Variants in SNX13 observed in about 807,000 individuals in gnomAD.
SNX13 encodes sorting nexin-13.
In SNX13, 45 loss-of-function variants were observed where a neutral mutation model predicts 133.6. The observed-to-expected ratio is 0.34, with a 90% confidence interval of 0.27 to 0.43. SNX13 has a LOEUF of 0.43. Ranked by LOEUF, SNX13 falls within the 20% of genes least tolerant of loss-of-function variation. The pLI is 1.00. For missense variants in SNX13, 1,032 were observed against 1,145.1 expected (o/e 0.90, Z 1.43); for synonymous variants, 414 against 373.9 (o/e 1.11, Z -1.24).
intron 13 of SNX13, among the ~76,000 whole-genome samples, chr7:17,838,663 C>G (rs1206282909): frequency 6.6e-6 from 1 of 151,782 alleles, no homozygotes; most frequent in Non-Finnish European, 1.5e-5. Flanking sequence ...CATTTTCATT[C>G]TCAATTAAAA....
intron 18 of SNX13, among the ~76,000 whole-genome samples, chr7:17,817,240 T>TG (rs775084140): frequency 5.3e-5 from 8 of 152,188 alleles, no homozygotes; most frequent in South Asian, 2.1e-4. Context: ...TGTAATGCCT[T>TG]GCTAAAACAC....
chr7:17,807,292 G>C (rs1024627747), intron 20 of SNX13, among the ~76,000 whole-genome samples: 1 of 152,180 alleles, frequency 6.6e-6, no homozygotes, highest in South Asian at 2.1e-4. Flanking sequence ...CCAGCTAGGT[G>C]GGGGGAGGGG....
intron 17 of SNX13, among the ~76,000 whole-genome samples, chr7:17,824,545 G>A (rs1012285918): frequency 2.0e-5 from 3 of 151,518 alleles, no homozygotes; most frequent in Admixed American, 2.0e-4. Context: ...ATTATTACTA[G>A]CCCATCTCAC....
At chr7:17,912,930 G>C (rs896581792) in intron 1 of SNX13, among the ~76,000 whole-genome samples, 6 of 152,184 alleles carry the variant, frequency 3.9e-5, no homozygotes, top group African/African-American at 1.4e-4. Flanking sequence ...GACTGGAGCA[G>C]GAAGAGACTT....
chr7:17,915,854 T>A (rs547092136), intron 1 of SNX13, among the ~76,000 whole-genome samples: 1 of 152,212 alleles, frequency 6.6e-6, no homozygotes, highest in Non-Finnish European at 1.5e-5. Context: ...AGAGTACACA[T>A]TCTTCTCATC....
chr7:17,850,643 C>G (rs1016997477), intron 10 of SNX13, among the ~76,000 whole-genome samples, 183 bp downstream of exon 10: 3 of 152,130 alleles, frequency 2.0e-5, no homozygotes, highest in African/African-American at 7.2e-5. Flanking sequence ...TTACAATAAT[C>G]ACATTCTCAC....
intron 1 of SNX13, among the ~76,000 whole-genome samples, chr7:17,901,385 G>T (rs1465888733): frequency 6.6e-6 from 1 of 152,080 alleles, no homozygotes; most frequent in Non-Finnish European, 1.5e-5. Context: ...ACTCGCCCAG[G>T]AATTGCACTC....
chr7:17,809,217 C>T lies in SNX13; in HGVS notation c.2064+5617G>A, dbSNP rs543702350. On this transcript the variant is annotated intron_variant, in intron 20 of 25. Coordinates refer to ENST00000428135, the MANE Select transcript of SNX13 (RefSeq NM_015132.5). ...TGCTGTATTCAGGAGACCCATCTCA[C>T]ATGCAAAGACACACATAGGCTCAAA... 1.3e-3 allele frequency among the ~76,000 whole-genome samples: 166 copies of T among 124,450 alleles called. No individual in the cohort carries two copies. The Middle Eastern group carries it at 0.021, about 16-fold the overall frequency. The allele number at this position is 124,450 out of a possible 152,430, so 81.6% of individuals were successfully genotyped here.
At chr7:17,935,089 A>G (rs1801870237) in intron 1 of SNX13, among the ~76,000 whole-genome samples, 1 of 152,232 alleles carries the variant, frequency 6.6e-6, no homozygotes, top group Non-Finnish European at 1.5e-5. Flanking sequence ...CAGCAGCATT[A>G]GTCACAAAAT....
intron 1 of SNX13, among the ~76,000 whole-genome samples, chr7:17,922,423 T>C (rs1274309558): frequency 2.0e-5 from 3 of 152,218 alleles, no homozygotes; most frequent in East Asian, 1.9e-4. Flanking sequence ...AAACTGTGTA[T>C]GTTTTGTTCA....
rs1562663513 is a variant in SNX13 at position 17,805,259 on chromosome 7, G to GCGCGCGCA, written c.2065-1687_2065-1680dup. On this transcript the variant is annotated intron_variant, in intron 20 of 25. Transcript: ENST00000428135. Reference sequence around the variant, plus strand: ...TGTGTGTGTGTGTGTGTGCGTGCGCGCGCGCGCATGCATGCACATGTGTAA... The same window carrying GCGCGCGCA: ...TGTGTGTGTGTGTGTGTGCGTGCGCGCGCGCGCACGCGCGCATGCATGCACATGTGTAA... 3.4e-5 allele frequency among the ~76,000 whole-genome samples: 5 copies of GCGCGCGCA among 147,588 alleles called. 1 individual carries two copies. The highest frequency in any genetic ancestry group is 4.2e-4 in the South Asian group (2 of 4,748).
intron 9 of SNX13, among the ~76,000 whole-genome samples, chr7:17,851,291 C>A (rs1420853611): frequency 6.6e-6 from 1 of 152,162 alleles, no homozygotes; most frequent in Non-Finnish European, 1.5e-5. Flanking sequence ...GGCAAATCTT[C>A]TGTTATAGTA....
chr7:17,814,131 A>G (rs1297976051), intron 20 of SNX13, among the ~76,000 whole-genome samples: 1 of 152,208 alleles, frequency 6.6e-6, no homozygotes, highest in East Asian at 1.9e-4. Context: ...ACATTTATTC[A>G]GAGGTTTATT....
intron 1 of SNX13, among the ~76,000 whole-genome samples, chr7:17,926,391 T>C (rs1301744654): frequency 1.3e-5 from 2 of 152,222 alleles, no homozygotes; most frequent in East Asian, 3.9e-4. Context: ...TGTTGTACTA[T>C]CTAGGGCTGG....
intron 5 of SNX13, among the ~76,000 whole-genome samples, chr7:17,877,732 CATACA>C (rs1794885155): frequency 9.8e-6 from 1 of 101,838 alleles, no homozygotes; most frequent in African/African-American, 6.5e-5. Context: ...AATGCAAATA[CATACA>C]AAATTATTTT....
At chr7:17,899,162 C>T (rs1398003791) in intron 1 of SNX13, 1 of 152,200 alleles carries the variant, frequency 6.6e-6, no homozygotes, top group East Asian at 1.9e-4. Context: ...GTACAACTTC[C>T]ACTGAGAAGT....
chr7:17,874,769 AG>A (rs1197901011), intron 7 of SNX13, among the ~76,000 whole-genome samples: 1 of 152,240 alleles, frequency 6.6e-6, no homozygotes, highest in Admixed American at 6.5e-5. Flanking sequence ...AAAACTGGGA[AG>A]ATAACGTCCT....
Position 17,805,056 on chromosome 7 carries a change from C to T in SNX13, c.2065-1476G>A, listed in dbSNP as rs143502034. On this transcript the variant is annotated intron_variant, in intron 20 of 25. Transcript: ENST00000428135. ...AGTACCATAGATATGCTTGACGGAACATCCAACCCTAGAAGAGACTGTCAC... is the reference window on the plus strand; with the variant it reads ...AGTACCATAGATATGCTTGACGGAATATCCAACCCTAGAAGAGACTGTCAC... Among the ~76,000 whole-genome samples the T allele has an allele frequency of 1.1e-3, 175 of 152,286 alleles. 1 individual carries two copies. Among genetic ancestry groups the T allele is most frequent in the African/African-American group, 3.8e-3 (156 of 41,576 alleles).
At chr7:17,802,779 T>C (rs1319586878) in intron 21 of SNX13, among the ~76,000 whole-genome samples, 1 of 152,186 alleles carries the variant, frequency 6.6e-6, no homozygotes, top group Non-Finnish European at 1.5e-5. Context: ...CTATATGTTT[T>C]ATAGCCTTGA....
Sources: allele counts gnomAD v4.1 joint callset (sites outside exome capture counted in the v4.1 genomes callset), GRCh38; gene constraint gnomAD v4.1.1; transcripts MANE v1.5; gene names NCBI Gene and HGNC (gene_info 2026-07-23, HGNC 2026-07-21).